Variants in ULK2 observed in about 807,000 individuals in gnomAD.
ULK2 encodes unc-51 like autophagy activating kinase 2, also known as serine/threonine-protein kinase ULK2.
In ULK2, 76 loss-of-function variants were observed where a neutral mutation model predicts 127.5. The observed-to-expected ratio is 0.60, with a 90% CI of 0.50 to 0.72. The LOEUF is 0.72. ULK2 is among the 30% of genes least tolerant of loss of function. The pLI is 0.00. For synonymous variants in ULK2, 452 were observed against 461.9 expected, an observed-to-expected ratio of 0.98 and a Z score of 0.28; for missense variants, 1,144 against 1,295.9, an observed-to-expected ratio of 0.88 and a Z score of 1.80.
intron 2 of ULK2, among the ~76,000 whole-genome samples, chr17:19,865,456 G>T (rs531405928): frequency 6.6e-6 from 1 of 152,214 alleles, no homozygotes; most frequent in African/African-American, 2.4e-5. Flanking sequence ...GTACAAGATG[G>T]GTCTGCCTGG....
intron 13 of ULK2, among the ~76,000 whole-genome samples, chr17:19,812,363 T>C (rs1252442173): frequency 6.6e-6 from 1 of 152,224 alleles, no homozygotes; most frequent in Non-Finnish European, 1.5e-5. Context: ...TTTTACTATA[T>C]ATAGATGCCC....
intron 23 of ULK2, 27 bp from the exon 24 acceptor site, chr17:19,781,131 G>A (rs1371226241): frequency 2.2e-5 from 36 of 1,605,468 alleles, no homozygotes; most frequent in Non-Finnish European, 3.0e-5. Context: ...GTAGCAGAGG[G>A]TTATCTTGTG....
At chr17:19,800,783 C>G (rs2087381138) in intron 16 of ULK2, among the ~76,000 whole-genome samples, 1 of 152,146 alleles carries the variant, frequency 6.6e-6, no homozygotes, top group South Asian at 2.1e-4. Context: ...TTGCCACCCC[C>G]AGGCCCTGCG....
In ULK2 at chr17:19,867,381, C is replaced by T. The variant is rs1283059379; in HGVS notation, c.37G>A (p.Asp13Asn). The T allele has an allele frequency of 6.2e-7, 1 of 1,603,752 alleles. No homozygotes were observed. Among genetic ancestry groups the T allele is most frequent in the Non-Finnish European group, 8.5e-7 (1 of 1,176,190 alleles). The change falls in exon 1 of 27, where the codon GAT becomes AAT. Residue 13 changes from aspartate (D) to asparagine (N), a missense_variant. Asp to Asn is a conservative substitution (Grantham distance 23, BLOSUM62 1). Around this residue, in one of 2 missense-constraint regions of ULK2, gnomAD observed 231 missense variants for 325.4 expected, o/e 0.71. Transcript: ENST00000395544. ...VVGDFEYSKRDLVGHGAFAVV... is the reference protein window; with the variant it reads ...VVGDFEYSKRNLVGHGAFAVV... ...GCGAAGGCCCCGTGTCCCACGAGAT[C>T]CCTCTTGCTGTACTCGAAGTCACCC...
chr17:19,848,446 C>T (rs1376359302), intron 5 of ULK2: 1 of 152,058 alleles, frequency 6.6e-6, no homozygotes, highest in Non-Finnish European at 1.5e-5. Context: ...TTTACATGTC[C>T]TTAACATCTT....
Position 19,806,810 on chromosome 17 carries a change from C to T in ULK2, c.1158-1980G>A, listed in dbSNP as rs2087525771. ...TCACAACATTCTCTGTGTGGACCGT[C>T]ATCTTGGACCCATATGAAATACTTG... On this transcript the variant is annotated intron_variant, in intron 14 of 26. Coordinates refer to ENST00000395544, the MANE Select transcript of ULK2 (RefSeq NM_014683.4). Among the ~76,000 whole-genome samples, 7 of 152,240 alleles carry T rather than the reference C, an allele frequency of 4.6e-5. No individual in the cohort carries two copies. In the South Asian group the frequency reaches 1.4e-3, roughly 32 times the overall value.
In ULK2 at chr17:19,781,984, T is replaced by C; in HGVS notation, c.2544A>G (p.Gly848=). The change falls in exon 23 of 27, where the codon GGA becomes GGG. Residue 848 remains glycine (G), a synonymous_variant. Transcript: ENST00000395544. ...CAGATGTGCACAGCTCAGGGTTTCC[T>C]CCCCTCATGGCTGTCAGGTCCAGCA... ...ECVLDLTAMR[G]GNPELCTSAV... is the part of the protein sequence containing the mutation. 1 of 1,614,200 alleles carries C rather than the reference T, an allele frequency of 6.2e-7. No individual in the cohort carries two copies.
In ULK2 at chr17:19,846,851, T is replaced by TGGC; in HGVS notation, c.352_354dup (p.Ala118dup). The stretch of plus-strand genomic sequence containing the variant: ...ATTCCTTTGCTGTGCAGGATTCGCA[T>TGGC]GGCAGCAGCAATCTGATGCAGAAAC... On this transcript the variant is annotated inframe_insertion, in exon 6 of 27. Transcript: ENST00000395544. The TGGC allele has an allele frequency of 6.2e-7, 1 of 1,614,060 alleles. No individual in the cohort carries two copies. The highest frequency in any genetic ancestry group is 8.5e-7 in the Non-Finnish European group (1 of 1,179,968).
chr17:19,837,820 C>A (rs1191964433), intron 10 of ULK2, among the ~76,000 whole-genome samples: 1 of 152,222 alleles, frequency 6.6e-6, no homozygotes, highest in East Asian at 1.9e-4. Flanking sequence ...ACAAGAGTCT[C>A]CTGATTAGTC....
chr17:19,779,789 T>C (rs1223965374), intron 25 of ULK2, among the ~76,000 whole-genome samples: 1 of 152,118 alleles, frequency 6.6e-6, no homozygotes, highest in Non-Finnish European at 1.5e-5. Flanking sequence ...TAAAGCAGTG[T>C]TTTTCCTAAG....
At chr17:19,791,146 C>T (rs556229725) in intron 20 of ULK2, among the ~76,000 whole-genome samples, 21 of 152,312 alleles carry the variant, frequency 1.4e-4, no homozygotes, top group African/African-American at 4.8e-4. Flanking sequence ...CACTATAGGA[C>T]CTAACTGATA....
chr17:19,793,808 A>G (rs1222736714), intron 20 of ULK2, among the ~76,000 whole-genome samples: 1 of 152,218 alleles, frequency 6.6e-6, no homozygotes, highest in East Asian at 1.9e-4. Flanking sequence ...CCCAGCCTCA[A>G]TTAAAAGGCA....
At chr17:19,795,366 A>AAAT (rs1169951136) in intron 20 of ULK2, among the ~76,000 whole-genome samples, 2 of 150,290 alleles carry the variant, frequency 1.3e-5, no homozygotes, top group African/African-American at 4.9e-5. Flanking sequence ...AAAAAAAAAA[A>AAAT]AAAAAAATCT....
At chr17:19,820,840 C>T (rs1286357550) in intron 12 of ULK2, among the ~76,000 whole-genome samples, 2 of 152,154 alleles carry the variant, frequency 1.3e-5, no homozygotes, top group Admixed American at 1.3e-4. Flanking sequence ...TCCCCAATCA[C>T]ACTCCCATAG....
intron 17 of ULK2, among the ~76,000 whole-genome samples, chr17:19,799,148 G>A (rs1408381843): frequency 2.8e-5 from 4 of 141,886 alleles, no homozygotes; most frequent in South Asian, 2.2e-4. Context: ...GCAACAGAGC[G>A]AGACTCCATT....
intron 12 of ULK2, among the ~76,000 whole-genome samples, chr17:19,823,617 T>C (rs987177405): frequency 1.6e-4 from 25 of 152,204 alleles, no homozygotes; most frequent in Non-Finnish European, 3.7e-4. Flanking sequence ...GGCTAGGCAC[T>C]TCCCACATCT....
At chr17:19,792,093 A>G (rs998600032) in intron 20 of ULK2, among the ~76,000 whole-genome samples, 1 of 152,110 alleles carries the variant, frequency 6.6e-6, no homozygotes, top group African/African-American at 2.4e-5. Flanking sequence ...TAAGAGGGAA[A>G]TTTATAGCTA....
chr17:19,841,314 C>T (rs1012446334), intron 9 of ULK2, among the ~76,000 whole-genome samples, 175 bp downstream of exon 9: 2 of 152,108 alleles, frequency 1.3e-5, no homozygotes, highest in African/African-American at 4.8e-5. Context: ...GAAAAGAGTA[C>T]AGCACTACAC....
chr17:19,797,189 C>T (rs1374829144), intron 18 of ULK2, among the ~76,000 whole-genome samples: 1 of 152,014 alleles, frequency 6.6e-6, no homozygotes, highest in Non-Finnish European at 1.5e-5. Context: ...CTCAGCTACT[C>T]GGGAGGCTGA....
Sources: gnomAD v4.1 joint callset for allele counts (sites outside exome capture counted in the v4.1 genomes callset) on GRCh38, gnomAD v4.1.1 for gene constraint, gnomAD v4.1.1 regional missense constraint, MANE v1.5 for transcripts, NCBI Gene and HGNC (gene_info 2026-07-23, HGNC 2026-07-21) for gene names.